TAB2: variants seen among roughly 807,000 people sequenced by gnomAD.
TAB2 encodes TGF-beta activated kinase 1 (MAP3K7) binding protein 2.
Under a neutral mutation model 65.0 loss-of-function variants are expected in TAB2, and 3 were observed. The observed-to-expected ratio is 0.05, with a 90% CI of 0.02 to 0.12. The LOEUF (loss-of-function observed/expected upper bound fraction) is 0.12, where lower values mean the gene tolerates loss of function less well. TAB2 is among the 10% of genes least tolerant of loss of function. TAB2 has a pLI of 1.00. For missense variants in TAB2, 623 were observed against 840.3 expected (o/e 0.74, Z 3.20); for synonymous variants, 298 against 285.1 (o/e 1.05, Z -0.46).
intron 6 of TAB2, among the ~76,000 whole-genome samples, chr6:149,408,650 T>A (rs1450229055): frequency 6.6e-6 from 1 of 152,200 alleles, no homozygotes; most frequent in Non-Finnish European, 1.5e-5. Flanking sequence ...CCTTTTACTT[T>A]AAACCTCCCA....
intron 1 of TAB2, among the ~76,000 whole-genome samples, chr6:149,284,814 C>T (rs1478782867): frequency 6.6e-6 from 1 of 152,178 alleles, no homozygotes; most frequent in Non-Finnish European, 1.5e-5. Flanking sequence ...AGAACTGCCT[C>T]TTTAAGCCTT....
At chr6:149,261,159 A>C (rs984409228) in intron 1 of TAB2, among the ~76,000 whole-genome samples, 3 of 152,232 alleles carry the variant, frequency 2.0e-5, no homozygotes, top group African/African-American at 7.2e-5. Flanking sequence ...TGATTCTTCC[A>C]CATTTCTATC....
At chr6:149,403,247 A>AATATATATATATAT (rs71010865) in intron 6 of TAB2, among the ~76,000 whole-genome samples, 14 of 44,038 alleles carry the variant, frequency 3.2e-4, no homozygotes, top group Non-Finnish European at 1.8e-4. Flanking sequence ...AAAAAAAAAA[A>AATATATATATATAT]ATATATATAT....
chr6:149,383,024 G>A (rs138085333), intron 3 of TAB2, among the ~76,000 whole-genome samples: 8 of 151,682 alleles, frequency 5.3e-5, no homozygotes, highest in South Asian at 2.1e-4. Flanking sequence ...GTGTGGTGGC[G>A]TGCACCTGTA....
At chr6:149,302,584 T>C (rs1364223258) in intron 1 of TAB2, among the ~76,000 whole-genome samples, 1 of 152,232 alleles carries the variant, frequency 6.6e-6, no homozygotes, top group Non-Finnish European at 1.5e-5. Context: ...GTCTCCTTCA[T>C]GGGAATTGTA....
intron 6 of TAB2, 44 bp downstream of exon 6, chr6:149,399,228 C>A: frequency 6.4e-7 from 1 of 1,565,812 alleles, no homozygotes; most frequent in Non-Finnish European, 8.8e-7. Context: ...TTTTGAAAAG[C>A]AAAATTTTAG....
At chr6:149,325,046 C>CT (rs1413336403) in intron 1 of TAB2, among the ~76,000 whole-genome samples, 1 of 152,014 alleles carries the variant, frequency 6.6e-6, no homozygotes, top group South Asian at 2.1e-4. Context: ...TAGTTGATCT[C>CT]TTTGTTAATT....
At chr6:149,330,486 G>A (rs1169076479) in intron 1 of TAB2, among the ~76,000 whole-genome samples, 2 of 152,166 alleles carry the variant, frequency 1.3e-5, no homozygotes, top group Non-Finnish European at 2.9e-5. Flanking sequence ...ATTTCACCCA[G>A]TCTAATAGTA....
intron 6 of TAB2, among the ~76,000 whole-genome samples, chr6:149,405,192 T>G (rs1424886275): frequency 6.6e-6 from 1 of 152,034 alleles, no homozygotes; most frequent in Non-Finnish European, 1.5e-5. Flanking sequence ...ATCAGGAAAA[T>G]GCAAATTAAA....
chr6:149,320,870 C>T (rs920112429), intron 1 of TAB2, among the ~76,000 whole-genome samples: 3 of 152,270 alleles, frequency 2.0e-5, no homozygotes, highest in Admixed American at 1.3e-4. Context: ...GTTCCCATGA[C>T]CCAGAGAACA....
chr6:149,330,465 C>T (rs1779749076), intron 1 of TAB2, among the ~76,000 whole-genome samples: 1 of 152,108 alleles, frequency 6.6e-6, no homozygotes, highest in South Asian at 2.1e-4. Flanking sequence ...TTAGTATTGT[C>T]AGTATTTCTT....
Position 149,411,274 on chromosome 6 carries a change from G to T in TAB2, c.*1555G>T, listed in dbSNP as rs1370010229. On this transcript the variant is annotated 3_prime_UTR_variant, in exon 7 of 7. Transcript: ENST00000637181. ...CCACTGTAAATGTTTGCAAGTGGCT[G>T]TGTTTTAAATGGGATTATTACAGTT... The T allele has an allele frequency of 6.6e-6, 1 of 152,434 alleles. No homozygotes were observed. Among genetic ancestry groups the T allele is most frequent in the Non-Finnish European group, 1.5e-5 (1 of 68,028 alleles). 9.4% of individuals were successfully genotyped at this position (152,434 alleles called of 1,614,324 possible).
intron 1 of TAB2, among the ~76,000 whole-genome samples, chr6:149,343,025 C>A (rs1461629388): frequency 6.6e-6 from 1 of 152,100 alleles, no homozygotes; most frequent in Admixed American, 6.6e-5. Flanking sequence ...TCTAATTTAA[C>A]TTGTTTGCTA....
intron 1 of TAB2, among the ~76,000 whole-genome samples, chr6:149,326,703 C>G (rs986966619): frequency 4.6e-5 from 7 of 151,970 alleles, no homozygotes; most frequent in African/African-American, 1.7e-4. Context: ...GCCCACCACC[C>G]TGCCTGGCTA....
At position 149,406,673 on chromosome 6, in the gene TAB2, T is replaced by G. The variant is rs1279131789; in HGVS notation, c.1940-2904T>G. Among the ~76,000 whole-genome samples the G allele has an allele frequency of 2.0e-5, 3 of 152,180 alleles. No homozygotes were observed. The East Asian group carries it at 5.8e-4, about 29-fold the overall frequency. On this transcript the variant is annotated intron_variant, in intron 6 of 6. Coordinates refer to ENST00000637181, the MANE Select transcript of TAB2 (RefSeq NM_001292034.3). ...GAATTTTCACATTCTCCTTTCACAT[T>G]CTAATTTTTGTACTCTACTTCATTT...
chr6:149,364,262 C>T (rs1780966066), intron 1 of TAB2, among the ~76,000 whole-genome samples: 4 of 152,106 alleles, frequency 2.6e-5, no homozygotes, highest in South Asian at 2.1e-4. Context: ...AATCCTTCAT[C>T]GGCTTCCCAT....
chr6:149,225,790 G>A (rs1015018937), intron 1 of TAB2, among the ~76,000 whole-genome samples: 4 of 152,056 alleles, frequency 2.6e-5, no homozygotes, highest in African/African-American at 9.7e-5. Context: ...GTATGTTTTG[G>A]TGTTAGGTAC....
intron 1 of TAB2, among the ~76,000 whole-genome samples, chr6:149,264,137 C>T (rs762956653): frequency 5.9e-5 from 9 of 152,186 alleles, no homozygotes; most frequent in Non-Finnish European, 1.0e-4. Flanking sequence ...GTCTGAGTCT[C>T]CTGAACAAGG....
chr6:149,299,069 T>G (rs978904752), intron 1 of TAB2, among the ~76,000 whole-genome samples: 1 of 152,246 alleles, frequency 6.6e-6, no homozygotes, highest in Non-Finnish European at 1.5e-5. Context: ...CTTCCTTGAC[T>G]GCACAACTAT....
Sources: allele counts gnomAD v4.1 joint callset (sites outside exome capture counted in the v4.1 genomes callset), GRCh38; gene constraint gnomAD v4.1.1; transcripts MANE v1.5; gene names NCBI Gene and HGNC (gene_info 2026-07-23, HGNC 2026-07-21).